Variants in TCF12 observed in about 807,000 individuals in gnomAD.
TCF12 encodes the protein transcription factor 12.
In TCF12, 45 loss-of-function variants were observed where a neutral mutation model predicts 86.0. The ratio of observed to expected loss-of-function variants is 0.52; its 90% CI spans 0.41 to 0.67. TCF12 has a LOEUF of 0.67. Ranked by LOEUF, TCF12 falls within the 30% of genes least tolerant of loss-of-function variation. The probability of loss-of-function intolerance (pLI) is 0.00; values close to 1 mark genes in which losing one functional copy is unlikely to be tolerated. For synonymous variants in TCF12, 330 were observed against 299.6 expected (o/e 1.10, Z -1.05); for missense variants, 881 against 859.9 (o/e 1.02, Z -0.31).
At chr15:57,127,866 A>G (rs2151325668) in intron 5 of TCF12, among the ~76,000 whole-genome samples, 1 of 152,242 alleles carries the variant, frequency 6.6e-6, no homozygotes, top group African/African-American at 2.4e-5. Context: ...ATGGGATGAA[A>G]CACACATTTT....
intron 5 of TCF12, among the ~76,000 whole-genome samples, chr15:57,140,875 C>CT (rs1239436409): frequency 2.0e-5 from 3 of 152,064 alleles, no homozygotes; most frequent in South Asian, 2.1e-4. Context: ...CATTACTTCC[C>CT]TTTTTTTGCC....
At chr15:57,120,752 C>T (rs2151288684) in intron 5 of TCF12, among the ~76,000 whole-genome samples, 1 of 152,292 alleles carries the variant, frequency 6.6e-6, no homozygotes, top group South Asian at 2.1e-4. Context: ...TGAGAGCCAC[C>T]TGAGTGAGGA....
intron 8 of TCF12, among the ~76,000 whole-genome samples, chr15:57,220,334 A>C (rs1268783012): frequency 2.0e-5 from 3 of 152,230 alleles, no homozygotes; most frequent in Non-Finnish European, 1.5e-5. Context: ...AAAAATAACA[A>C]GTATGAAGCT....
chr15:56,932,491 GA>G (rs2060288999), intron 3 of TCF12, among the ~76,000 whole-genome samples: 1 of 151,854 alleles, frequency 6.6e-6, no homozygotes, highest in African/African-American at 2.4e-5. Flanking sequence ...AAGGTGACAA[GA>G]AGAAAAAAAG....
intron 19 of TCF12, among the ~76,000 whole-genome samples, chr15:57,276,231 G>C (rs752064013): frequency 2.6e-5 from 4 of 152,210 alleles, no homozygotes; most frequent in Non-Finnish European, 4.4e-5. Context: ...TTTGAAATCT[G>C]GCTGGTCCCA....
chr15:57,165,053 T>G (rs1172804627), intron 5 of TCF12, among the ~76,000 whole-genome samples: 1 of 152,094 alleles, frequency 6.6e-6, no homozygotes, highest in East Asian at 1.9e-4. Flanking sequence ...AATAAGGCAA[T>G]CAATGCCTAT....
chr15:57,256,471 C>T (rs563008038), intron 16 of TCF12, among the ~76,000 whole-genome samples: 1 of 152,224 alleles, frequency 6.6e-6, no homozygotes, highest in South Asian at 2.1e-4. Flanking sequence ...TTATTGTCCC[C>T]TTGTCACAAC....
intron 5 of TCF12, among the ~76,000 whole-genome samples, chr15:57,097,545 A>T (rs780539787): frequency 2.3e-4 from 35 of 152,020 alleles, no homozygotes; most frequent in Admixed American, 2.3e-3. Context: ...AATAAAAAAT[A>T]AAAAAAGATA....
chr15:57,050,588 T>G (rs1357206880), intron 3 of TCF12, among the ~76,000 whole-genome samples: 4 of 152,212 alleles, frequency 2.6e-5, no homozygotes, highest in Non-Finnish European at 4.4e-5. Flanking sequence ...CTACAGTTTT[T>G]TCACTGATTT....
At chr15:57,228,389 C>T (rs758024822) in intron 8 of TCF12, among the ~76,000 whole-genome samples, 5 of 151,856 alleles carry the variant, frequency 3.3e-5, no homozygotes, top group Non-Finnish European at 7.4e-5. Flanking sequence ...ATTTTGAACT[C>T]GTGTTAATAC....
rs1279723436 is a variant in TCF12 at position 57,091,802 on chromosome 15, G to A, written c.236G>A (p.Ser79Asn). ...SYDSSRGFTDSPHYSDHLNDS... is the reference protein window; with the variant it reads ...SYDSSRGFTDNPHYSDHLNDS... Reference sequence around the variant, plus strand: ...TTCTCCCCCTAGGGTTTTACAGACAGCCCTCATTACAGTGATCACTTGAAT... The same window carrying A: ...TTCTCCCCCTAGGGTTTTACAGACAACCCTCATTACAGTGATCACTTGAAT... Residue 79 changes from serine to asparagine, a missense_variant, in exon 5 of 21, where the codon AGC becomes AAC. Physicochemically the swap from Ser to Asn is conservative, Grantham distance 46 (BLOSUM62 1). Around this residue, in one of 3 missense-constraint regions of TCF12, gnomAD observed 766 missense variants for 718.9 expected, o/e 1.07. Coordinates refer to ENST00000333725, the MANE Select transcript of TCF12 (RefSeq NM_207037.2). 1 of 1,613,410 alleles carries A rather than the reference G, an allele frequency of 6.2e-7. No individual in the cohort carries two copies. The highest frequency in any genetic ancestry group is 1.3e-5 in the African/African-American group (1 of 74,912).
At position 57,113,348 on chromosome 15, in the gene TCF12, C is replaced by T. The variant is rs1811270764; in HGVS notation, c.325+21457C>T. On this transcript the variant is annotated intron_variant, in intron 5 of 20. Coordinates refer to ENST00000333725, the MANE Select transcript of TCF12 (RefSeq NM_207037.2). The stretch of plus-strand genomic sequence containing the variant: ...TCTGTGCAGCTCGCTGAGCAGCATA[C>T]CTTAGTACCATTTATCATAGACATT... Among the ~76,000 whole-genome samples, 4 of 152,292 alleles carry T rather than the reference C, an allele frequency of 2.6e-5. No homozygotes were observed. The South Asian group carries it at 8.3e-4, about 32-fold the overall frequency.
chr15:57,099,669 C>A (rs779327551), intron 5 of TCF12, among the ~76,000 whole-genome samples: 66 of 152,014 alleles, frequency 4.3e-4, no homozygotes, highest in Non-Finnish European at 5.9e-4. Context: ...AGGTCGTAAT[C>A]CATTAGTGAC....
intron 8 of TCF12, among the ~76,000 whole-genome samples, chr15:57,203,171 A>G (rs1285599972): frequency 1.3e-5 from 2 of 152,226 alleles, no homozygotes; most frequent in African/African-American, 2.4e-5. Context: ...CAATCTACAA[A>G]AGGAAGGAAA....
intron 5 of TCF12, among the ~76,000 whole-genome samples, chr15:57,160,162 A>G (rs917883461): frequency 3.9e-5 from 6 of 152,322 alleles, no homozygotes; most frequent in African/African-American, 1.2e-4. Context: ...TGAGGTTGCT[A>G]ATGAAGACAT....
At chr15:57,283,933 A>G (rs1276963091) in intron 20 of TCF12, among the ~76,000 whole-genome samples, 2 of 152,182 alleles carry the variant, frequency 1.3e-5, no homozygotes. Context: ...AGAAGAGTTA[A>G]GGCAGTTATT....
intron 3 of TCF12, among the ~76,000 whole-genome samples, chr15:57,059,187 C>G (rs1215216235): frequency 6.6e-6 from 1 of 152,156 alleles, no homozygotes; most frequent in Non-Finnish European, 1.5e-5. Flanking sequence ...AATTTGATTT[C>G]AGTGCTACTA....
At chr15:57,270,476 T>C (rs1312467323) in intron 18 of TCF12, among the ~76,000 whole-genome samples, 3 of 152,198 alleles carry the variant, frequency 2.0e-5, no homozygotes. Flanking sequence ...TTTCCAAGGT[T>C]TTTTACTTCC....
intron 8 of TCF12, among the ~76,000 whole-genome samples, chr15:57,213,668 C>A (rs2058210639): frequency 6.6e-6 from 1 of 151,788 alleles, no homozygotes; most frequent in South Asian, 2.1e-4. Flanking sequence ...TGATGTCTTC[C>A]AGTTCAGAAG....
Sources: gnomAD v4.1 joint callset for allele counts (sites outside exome capture counted in the v4.1 genomes callset) on GRCh38, gnomAD v4.1.1 for gene constraint, gnomAD v4.1.1 regional missense constraint, MANE v1.5 for transcripts, NCBI Gene and HGNC (gene_info 2026-07-23, HGNC 2026-07-21) for gene names.